The following RANBP2 variants were observed in gnomAD, a reference collection of about 807,000 sequenced individuals.
The protein encoded by RANBP2 is RAN binding protein 2, also known as E3 SUMO-protein ligase RanBP2.
A neutral mutation model predicts 303.6 loss-of-function variants in RANBP2; 57 were observed. The observed-to-expected ratio is 0.19, with a 90% CI of 0.15 to 0.23. The LOEUF (loss-of-function observed/expected upper bound fraction) is 0.23. Ranked by LOEUF, RANBP2 falls within the 10% of genes least tolerant of loss-of-function variation. RANBP2 has a pLI of 1.00. For missense variants in RANBP2, 3,138 were observed against 3,780.8 expected, an observed-to-expected ratio of 0.83 and a Z score of 4.46; for synonymous variants, 1,167 against 1,301.5, an observed-to-expected ratio of 0.90 and a Z score of 2.23.
the RANBP2 span, among the ~76,000 whole-genome samples, chr2:109,289,847 G>A: frequency 6.6e-6 from 1 of 152,136 alleles, no homozygotes; most frequent in African/African-American, 2.4e-5. Flanking sequence ...TCAGATCTTG[G>A]TTTCCTCATA....
chr2:109,651,312 A>T, the RANBP2 span, among the ~76,000 whole-genome samples: 3 of 152,152 alleles, frequency 2.0e-5, no homozygotes, highest in Non-Finnish European at 4.4e-5. Context: ...AGATGGTTCC[A>T]TAACTGAATA....
At chr2:108,757,733 A>G (rs1834790) in intron 17 of RANBP2, among the ~76,000 whole-genome samples, 3 of 152,290 alleles carry the variant, frequency 2.0e-5, no homozygotes, top group African/African-American at 2.4e-5. Context: ...GTGAAAGTTG[A>G]GGAAAGAAGT....
the RANBP2 span, among the ~76,000 whole-genome samples, chr2:109,115,006 T>C: frequency 1.3e-5 from 2 of 152,224 alleles, no homozygotes; most frequent in African/African-American, 4.8e-5. Flanking sequence ...GACAGTTTGT[T>C]ATAATTTCTG....
At chr2:109,176,955 G>A in the RANBP2 span, among the ~76,000 whole-genome samples, 2 of 152,160 alleles carry the variant, frequency 1.3e-5, no homozygotes, top group Admixed American at 1.3e-4. Flanking sequence ...GGGAGATTTG[G>A]CATTTTAGGT....
the RANBP2 span, among the ~76,000 whole-genome samples, chr2:109,490,365 C>A: frequency 6.6e-6 from 1 of 152,202 alleles, no homozygotes; most frequent in Non-Finnish European, 1.5e-5. Flanking sequence ...CCTGGTGTGC[C>A]TGCAAGCGTC....
the RANBP2 span, among the ~76,000 whole-genome samples, chr2:109,632,688 C>T: frequency 6.6e-5 from 10 of 152,036 alleles, no homozygotes; most frequent in Admixed American, 2.0e-4. Context: ...GGTGTGGTGG[C>T]GGGCGCCTGT....
the RANBP2 span, among the ~76,000 whole-genome samples, chr2:109,630,206 A>T: frequency 6.6e-6 from 1 of 152,184 alleles, no homozygotes; most frequent in South Asian, 2.1e-4. Flanking sequence ...ATTTATGTAT[A>T]TTATGATGTT....
chr2:109,002,517 G>C, the RANBP2 span, among the ~76,000 whole-genome samples: 2 of 152,026 alleles, frequency 1.3e-5, no homozygotes, highest in Non-Finnish European at 2.9e-5. Context: ...GCTCCCCACT[G>C]CCCTTGGAAT....
the RANBP2 span, among the ~76,000 whole-genome samples, chr2:108,978,537 T>G: frequency 2.0e-5 from 3 of 152,228 alleles, no homozygotes; most frequent in Admixed American, 6.5e-5. Flanking sequence ...ATGCAGATCC[T>G]CCCAAGGAGG....
chr2:109,195,459 C>G, the RANBP2 span, among the ~76,000 whole-genome samples: 2 of 152,226 alleles, frequency 1.3e-5, no homozygotes, highest in South Asian at 4.2e-4. Flanking sequence ...TCGAGTGTCC[C>G]CACCCCTTCT....
the RANBP2 span, among the ~76,000 whole-genome samples, chr2:109,710,834 C>T: frequency 2.0e-5 from 3 of 152,268 alleles, no homozygotes; most frequent in African/African-American, 7.2e-5. Context: ...GTCAAGTCAG[C>T]AGCTTTGGCA....
chr2:109,114,855 A>G, the RANBP2 span, among the ~76,000 whole-genome samples: 1 of 152,192 alleles, frequency 6.6e-6, no homozygotes, highest in African/African-American at 2.4e-5. Context: ...TTAGTTTCAA[A>G]CAACATCTTT....
chr2:108,872,593 A>G, the RANBP2 span, among the ~76,000 whole-genome samples: 1 of 152,134 alleles, frequency 6.6e-6, no homozygotes, highest in East Asian at 1.9e-4. Flanking sequence ...AGGCTGGGAA[A>G]TCCAGTATCA....
chr2:109,542,583 T>C, the RANBP2 span, among the ~76,000 whole-genome samples: 3 of 152,210 alleles, frequency 2.0e-5, no homozygotes, highest in African/African-American at 7.2e-5. Flanking sequence ...TCTGCTCAGC[T>C]GGCACTAAGT....
chr2:109,703,956 G>A, the RANBP2 span, among the ~76,000 whole-genome samples: 3 of 152,184 alleles, frequency 2.0e-5, no homozygotes, highest in Non-Finnish European at 4.4e-5. Flanking sequence ...TAGCAGTGCT[G>A]TAAAATGGCC....
At chr2:108,739,482 C>T (rs1695895959) in intron 6 of RANBP2, among the ~76,000 whole-genome samples, 2 of 152,094 alleles carry the variant, frequency 1.3e-5, no homozygotes, top group Non-Finnish European at 1.5e-5. Context: ...TTGGTATTAT[C>T]GTAAAAGTAA....
the RANBP2 span, among the ~76,000 whole-genome samples, chr2:108,923,092 G>A: frequency 6.6e-6 from 1 of 152,144 alleles, no homozygotes. Flanking sequence ...CCATATTACC[G>A]ATGAGAAAAC....
chr2:109,004,726 T>C, the RANBP2 span, among the ~76,000 whole-genome samples: 5 of 152,220 alleles, frequency 3.3e-5, no homozygotes, highest in Non-Finnish European at 7.3e-5. Flanking sequence ...ATCTCTGATT[T>C]CTGCCCTTAT....
chr2:108,824,722 C>T, the RANBP2 span, among the ~76,000 whole-genome samples: 1 of 151,996 alleles, frequency 6.6e-6, no homozygotes, highest in Non-Finnish European at 1.5e-5. Context: ...CTGTACATAA[C>T]AAATGTATGT....
Sources: gnomAD v4.1 joint callset for allele counts (sites outside exome capture counted in the v4.1 genomes callset) on GRCh38, gnomAD v4.1.1 for gene constraint, MANE v1.5 for transcripts, NCBI Gene and HGNC (gene_info 2026-07-23, HGNC 2026-07-21) for gene names.